GRIA4: variants seen among roughly 807,000 people sequenced by gnomAD.
The protein encoded by GRIA4 is glutamate ionotropic receptor AMPA type subunit 4.
GRIA4 carries 34 observed loss-of-function variants against 104.0 expected under a neutral mutation model. The ratio of observed to expected loss-of-function variants is 0.33; its 90% CI spans 0.25 to 0.44. The LOEUF (loss-of-function observed/expected upper bound fraction) is 0.44. Among genes scored for constraint, GRIA4 ranks in the 20% least tolerant of loss-of-function variants. The probability of loss-of-function intolerance (pLI) is 1.00; values close to 1 mark genes in which losing one functional copy is unlikely to be tolerated. For synonymous variants in GRIA4, 386 were observed against 381.9 expected, an observed-to-expected ratio of 1.01 and a Z score of -0.13; for missense variants, 750 against 1,096.5, an observed-to-expected ratio of 0.68 and a Z score of 4.46.
intron 14 of GRIA4, among the ~76,000 whole-genome samples, chr11:105,967,576 A>G (rs1015737016): frequency 5.9e-5 from 9 of 152,204 alleles, no homozygotes; most frequent in African/African-American, 2.2e-4. Context: ...AAAATGTTTT[A>G]GAATGAACGC....
chr11:105,745,769 C>T (rs901624490), intron 3 of GRIA4, among the ~76,000 whole-genome samples: 2 of 152,128 alleles, frequency 1.3e-5, no homozygotes, highest in South Asian at 4.1e-4. Context: ...AGGAGTGGGA[C>T]TTGTGGAGTT....
At chr11:105,869,847 T>G (rs1177263700) in intron 5 of GRIA4, among the ~76,000 whole-genome samples, 1 of 152,052 alleles carries the variant, frequency 6.6e-6, no homozygotes, top group African/African-American at 2.4e-5. Context: ...TGGACACTAG[T>G]TCCCTGCTGA....
chr11:105,804,031 C>T (rs1380621343), intron 4 of GRIA4, among the ~76,000 whole-genome samples: 3 of 151,588 alleles, frequency 2.0e-5, no homozygotes, highest in Non-Finnish European at 4.4e-5. Context: ...CAGACCTGTT[C>T]ATTTGCTATA....
intron 3 of GRIA4, among the ~76,000 whole-genome samples, chr11:105,630,654 A>G (rs989837847): frequency 1.3e-5 from 2 of 152,214 alleles, no homozygotes; most frequent in Admixed American, 1.3e-4. Context: ...AGTGTTTTAA[A>G]TCAATTTTTG....
At chr11:105,849,514 T>C (rs541555260) in intron 4 of GRIA4, among the ~76,000 whole-genome samples, 1 of 152,336 alleles carries the variant, frequency 6.6e-6, no homozygotes, top group Non-Finnish European at 1.5e-5. Context: ...AATTGAGGCA[T>C]CAATTGGAGT....
At chr11:105,942,794 C>T (rs1203140130) in intron 14 of GRIA4, among the ~76,000 whole-genome samples, 1 of 152,032 alleles carries the variant, frequency 6.6e-6, no homozygotes, top group African/African-American at 2.4e-5. Context: ...ATTTTAAAAA[C>T]TAGATAAACT....
At chr11:105,672,182 C>A (rs1040040113) in intron 3 of GRIA4, among the ~76,000 whole-genome samples, 8 of 152,104 alleles carry the variant, frequency 5.3e-5, no homozygotes, top group Admixed American at 3.3e-4. Context: ...TCAGTTACTG[C>A]AATTCTTGTG....
At chr11:105,750,003 T>C (rs147532674) in intron 3 of GRIA4, among the ~76,000 whole-genome samples, 5 of 152,306 alleles carry the variant, frequency 3.3e-5, no homozygotes, top group African/African-American at 1.2e-4. Context: ...TCTGAACACA[T>C]TCAATTCAGC....
intron 4 of GRIA4, among the ~76,000 whole-genome samples, chr11:105,821,205 GA>G (rs1433504766): frequency 2.6e-5 from 4 of 152,086 alleles, no homozygotes; most frequent in Admixed American, 2.0e-4. Flanking sequence ...CATGGTTTCA[GA>G]AAATAATAAC....
chr11:105,663,703 C>T (rs1054125898), intron 3 of GRIA4, among the ~76,000 whole-genome samples: 18 of 151,768 alleles, frequency 1.2e-4, no homozygotes, highest in African/African-American at 4.4e-4. Context: ...GAGAAATAAA[C>T]GTTTTAAAAT....
chr11:105,752,195 C>T (rs961514014), intron 3 of GRIA4, among the ~76,000 whole-genome samples: 11 of 152,208 alleles, frequency 7.2e-5, no homozygotes, highest in African/African-American at 2.2e-4. Flanking sequence ...CAACTGGGAG[C>T]ATGGACCAAG....
intron 4 of GRIA4, among the ~76,000 whole-genome samples, chr11:105,760,724 A>C (rs993427321): frequency 2.6e-5 from 4 of 151,790 alleles, no homozygotes; most frequent in Non-Finnish European, 4.4e-5. Context: ...AGGCCTATTC[A>C]TGTTTTTTTT....
rs575469791 is a variant in GRIA4 at position 105,685,974 on chromosome 11, C to T, written c.248-67007C>T. 1.2e-4 allele frequency among the ~76,000 whole-genome samples: 18 copies of T among 151,100 alleles called. No individual in the cohort carries two copies. The South Asian group carries it at 3.2e-3, about 26-fold the overall frequency. On this transcript the variant is annotated intron_variant, in intron 3 of 16. Transcript: ENST00000282499. ...GGCAAGGATGCGGATGTTGGAGAAA[C>T]GGGTGGAAGACACTCAATACTAAGA...
At chr11:105,840,066 T>A (rs1287055986) in intron 4 of GRIA4, among the ~76,000 whole-genome samples, 7 of 152,212 alleles carry the variant, frequency 4.6e-5, no homozygotes. Context: ...AGTGAAGTTA[T>A]ATTGTCTTAT....
At chr11:105,969,085 A>G (rs961918740) in intron 14 of GRIA4, among the ~76,000 whole-genome samples, 1 of 152,220 alleles carries the variant, frequency 6.6e-6, no homozygotes, top group African/African-American at 2.4e-5. Context: ...AAGTGTTATT[A>G]TACCAAATAA....
chr11:105,678,106 A>G (rs1366425356), intron 3 of GRIA4, among the ~76,000 whole-genome samples: 1 of 152,050 alleles, frequency 6.6e-6, no homozygotes, highest in Non-Finnish European at 1.5e-5. Context: ...TAATTTGGTG[A>G]TCCCAACTAT....
chr11:105,862,457 ACT>A (rs1043141362), intron 5 of GRIA4: 10 of 317,618 alleles, frequency 3.1e-5, no homozygotes, highest in African/African-American at 1.1e-4. Flanking sequence ...TGAGTGAAAG[ACT>A]CTGTGTGAAT....
At chr11:105,611,534 A>G (rs1449208438) in intron 2 of GRIA4, among the ~76,000 whole-genome samples, 1 of 152,176 alleles carries the variant, frequency 6.6e-6, no homozygotes, top group Non-Finnish European at 1.5e-5. Context: ...TTGAGGAAAA[A>G]GACATTTCCA....
rs111500356 is a variant in GRIA4 at position 105,667,675 on chromosome 11, T to C, written c.247+55241T>C. Reference sequence around the variant, plus strand: ...CCCTCTCATTTATCTATTCTTTTTATTCACCTTTATTGAGGTATAGTTGAT... The same window carrying C: ...CCCTCTCATTTATCTATTCTTTTTACTCACCTTTATTGAGGTATAGTTGAT... On this transcript the variant is annotated intron_variant, in intron 3 of 16. Coordinates refer to ENST00000282499, the MANE Select transcript of GRIA4 (RefSeq NM_000829.4). 4.0e-4 allele frequency among the ~76,000 whole-genome samples: 61 copies of C among 152,088 alleles called. 1 individual carries two copies. The highest frequency in any genetic ancestry group is 1.4e-3 in the African/African-American group (58 of 41,554).
Sources: gnomAD v4.1 joint callset for allele counts (sites outside exome capture counted in the v4.1 genomes callset) on GRCh38, gnomAD v4.1.1 for gene constraint, MANE v1.5 for transcripts, NCBI Gene and HGNC (gene_info 2026-07-23, HGNC 2026-07-21) for gene names.